The following ATP2B2 variants were observed in gnomAD, a reference collection of about 807,000 sequenced individuals.
ATP2B2 encodes the protein ATPase plasma membrane Ca2+ transporting 2, also known as plasma membrane calcium-transporting ATPase 2.
A neutral mutation model predicts 120.0 loss-of-function variants in ATP2B2; 15 were observed. The observed-to-expected ratio is 0.12, with a 90% CI of 0.08 to 0.19. The LOEUF (loss-of-function observed/expected upper bound fraction) is 0.19. Ranked by LOEUF, ATP2B2 falls within the 10% of genes least tolerant of loss-of-function variation. The probability of loss-of-function intolerance (pLI) is 1.00; values close to 1 mark genes in which losing one functional copy is unlikely to be tolerated. For missense variants in ATP2B2, 1,045 were observed against 1,719.8 expected, an observed-to-expected ratio of 0.61 and a Z score of 6.94; for synonymous variants, 694 against 700.3, an observed-to-expected ratio of 0.99 and a Z score of 0.14.
intron 2 of ATP2B2, among the ~76,000 whole-genome samples, chr3:10,416,993 G>C (rs1361832301): frequency 6.7e-6 from 1 of 148,654 alleles, no homozygotes; most frequent in African/African-American, 2.5e-5. Context: ...ATGGTGAGTG[G>C]CCAGGCAGAG....
chr3:10,449,761 A>AG lies in ATP2B2; in HGVS notation c.-219dup. The AG allele has an allele frequency of 1.6e-6, 1 of 622,164 alleles. No homozygotes were observed. Among genetic ancestry groups the AG allele is most frequent in the South Asian group, 1.8e-5 (1 of 55,570 alleles). 38.5% of individuals were successfully genotyped at this position (622,164 alleles called of 1,614,324 possible). ...TGTCCTCCGGTGTGGGACGAGGTCCAGGGGCCGGAGGGGCTCAGGGCTGTA... is the reference window on the plus strand; with the variant it reads ...TGTCCTCCGGTGTGGGACGAGGTCCAGGGGGCCGGAGGGGCTCAGGGCTGTA... On this transcript the variant is annotated 5_prime_UTR_variant, in exon 2 of 23. An upstream open reading frame in the 5' UTR gains an earlier in-frame stop. Coordinates refer to ENST00000360273, the MANE Select transcript of ATP2B2 (RefSeq NM_001001331.4).
intron 3 of ATP2B2, among the ~76,000 whole-genome samples, chr3:10,533,797 C>T (rs919472352): frequency 1.1e-4 from 16 of 152,128 alleles, no homozygotes; most frequent in African/African-American, 3.9e-4. Context: ...CATGATGGGG[C>T]CTTCCTCCTC....
At chr3:10,656,979 C>A (rs529344308) in intron 1 of ATP2B2, among the ~76,000 whole-genome samples, 1 of 152,054 alleles carries the variant, frequency 6.6e-6, no homozygotes, top group Admixed American at 6.5e-5. Flanking sequence ...ATGAGGCCAG[C>A]GGCTGGCTGG....
chr3:10,487,242 G>A (rs11713098), intron 1 of ATP2B2, among the ~76,000 whole-genome samples: 16,945 of 151,704 alleles, frequency 0.11, 1,249 homozygotes, highest in East Asian at 0.38. Context: ...ATGTGTGTGC[G>A]CACACACACA....
intron 18 of ATP2B2, among the ~76,000 whole-genome samples, chr3:10,345,165 C>A (rs1303841791): frequency 6.6e-6 from 1 of 152,144 alleles, no homozygotes; most frequent in Non-Finnish European, 1.5e-5. Context: ...GAACAAGTCA[C>A]GCCACCTCTC....
intron 2 of ATP2B2, among the ~76,000 whole-genome samples, chr3:10,610,323 C>T (rs568128977): frequency 2.0e-4 from 31 of 152,052 alleles, no homozygotes; most frequent in South Asian, 8.3e-4. Flanking sequence ...AGCTCACTCA[C>T]GGCTGGCCTC....
At chr3:10,459,005 T>C (rs2064376299) in intron 1 of ATP2B2, among the ~76,000 whole-genome samples, 4 of 152,206 alleles carry the variant, frequency 2.6e-5, no homozygotes, top group African/African-American at 9.6e-5. Flanking sequence ...GGATCCTTGC[T>C]TCTTGGGTCA....
chr3:10,542,281 C>T (rs1158824826), intron 2 of ATP2B2, among the ~76,000 whole-genome samples: 4 of 152,092 alleles, frequency 2.6e-5, no homozygotes, highest in African/African-American at 4.8e-5. Context: ...TTAAGTCTGT[C>T]ATTTTATATT....
chr3:10,534,697 CT>C (rs1276547855), intron 2 of ATP2B2, among the ~76,000 whole-genome samples: 1 of 152,086 alleles, frequency 6.6e-6, no homozygotes, highest in Non-Finnish European at 1.5e-5. Context: ...CCTGAGCCTC[CT>C]TTTCCTCATC....
chr3:10,701,278 C>T (rs529944196), intron 1 of ATP2B2, among the ~76,000 whole-genome samples: 1 of 152,316 alleles, frequency 6.6e-6, no homozygotes, highest in South Asian at 2.1e-4. Context: ...CCTCTTATAT[C>T]CCACCTATAT....
At chr3:10,674,220 C>T (rs1415031493) in intron 1 of ATP2B2, among the ~76,000 whole-genome samples, 1 of 152,202 alleles carries the variant, frequency 6.6e-6, no homozygotes, top group Non-Finnish European at 1.5e-5. Flanking sequence ...GAAATTTACT[C>T]TCTACCTGGT....
chr3:10,655,873 G>T (rs1334195489), intron 1 of ATP2B2, among the ~76,000 whole-genome samples: 6 of 152,192 alleles, frequency 3.9e-5, no homozygotes, highest in African/African-American at 1.4e-4. Context: ...AATTCAACGT[G>T]CCTCCTCCTT....
At chr3:10,623,532 C>T (rs573994797) in intron 1 of ATP2B2, among the ~76,000 whole-genome samples, 1 of 150,508 alleles carries the variant, frequency 6.6e-6, no homozygotes, top group Admixed American at 6.6e-5. Flanking sequence ...CTTGGGGTGG[C>T]AATCAGGGAG....
chr3:10,366,429 T>A (rs1270851082), intron 12 of ATP2B2, among the ~76,000 whole-genome samples: 1 of 152,176 alleles, frequency 6.6e-6, no homozygotes, highest in African/African-American at 2.4e-5. Flanking sequence ...AGGAAAACCA[T>A]CCTGCAGGGG....
intron 2 of ATP2B2, among the ~76,000 whole-genome samples, chr3:10,617,096 A>G (rs2069410569): frequency 1.3e-5 from 2 of 152,320 alleles, no homozygotes; most frequent in African/African-American, 2.4e-5. Context: ...GCTGCTGGCC[A>G]TTGGCATTGT....
At position 10,327,974 on chromosome 3, in the gene ATP2B2, C is replaced by T. The variant is rs1162804041; in HGVS notation, c.*840G>A. 1 of 152,556 alleles carries T rather than the reference C, an allele frequency of 6.6e-6. No homozygotes were observed. The highest frequency in any genetic ancestry group is 1.5e-5 in the Non-Finnish European group (1 of 68,024). 9.5% of individuals were successfully genotyped at this position (152,556 alleles called of 1,614,324 possible). ...CATCTCAGCCACCAGTGTTCTTAAACCATACAAATAGCCAAAGACGTTATC... is the reference window on the plus strand; with the variant it reads ...CATCTCAGCCACCAGTGTTCTTAAATCATACAAATAGCCAAAGACGTTATC... On this transcript the variant is annotated 3_prime_UTR_variant, in exon 23 of 23. Transcript: ENST00000360273.
At chr3:10,581,457 C>T (rs1443203843) in intron 2 of ATP2B2, among the ~76,000 whole-genome samples, 1 of 152,102 alleles carries the variant, frequency 6.6e-6, no homozygotes, top group African/African-American at 2.4e-5. Context: ...GGCAGGGGCA[C>T]GAGCCAGCCG....
intron 2 of ATP2B2, among the ~76,000 whole-genome samples, chr3:10,419,668 G>T (rs1198092315): frequency 6.6e-6 from 1 of 152,212 alleles, no homozygotes; most frequent in African/African-American, 2.4e-5. Context: ...ACAGTGCTTT[G>T]TAGATGGTAA....
intron 1 of ATP2B2, among the ~76,000 whole-genome samples, chr3:10,483,138 G>C (rs980999977): frequency 3.3e-5 from 5 of 152,204 alleles, no homozygotes; most frequent in African/African-American, 2.4e-5. Context: ...CCCTGGTGAG[G>C]GTAATGTCGG....
Sources: allele counts gnomAD v4.1 joint callset (sites outside exome capture counted in the v4.1 genomes callset), GRCh38; gene constraint gnomAD v4.1.1; transcripts MANE v1.5; gene names NCBI Gene and HGNC (gene_info 2026-07-23, HGNC 2026-07-21).